Variants in PARM1 observed in about 807,000 individuals in gnomAD.
PARM1 encodes WSC4, cell wall integrity and stress response component 4 homolog.
Under a neutral mutation model 24.6 loss-of-function variants are expected in PARM1, and 14 were observed. The ratio of observed to expected loss-of-function variants is 0.57; its 90% confidence interval spans 0.38 to 0.89. The LOEUF is 0.89. Ranked by LOEUF, PARM1 falls within the 40% of genes least tolerant of loss-of-function variation. PARM1 has a pLI of 0.00. For synonymous variants in PARM1, 179 were observed against 156.6 expected (o/e 1.14, Z -1.07); for missense variants, 362 against 380.4 (o/e 0.95, Z 0.40).
chr4:74,954,110 T>C (rs1243254564), intron 1 of PARM1, among the ~76,000 whole-genome samples: 1 of 152,208 alleles, frequency 6.6e-6, no homozygotes. Context: ...AAATTATTAT[T>C]AAGTTACTGA....
At chr4:75,016,753 G>A (rs554210050) in intron 2 of PARM1, among the ~76,000 whole-genome samples, 27 of 152,004 alleles carry the variant, frequency 1.8e-4, no homozygotes, top group Middle Eastern at 3.4e-3. Flanking sequence ...TATCCAGGTC[G>A]AGCACCTCAG....
chr4:74,972,309 C>G (rs952432856), intron 1 of PARM1, among the ~76,000 whole-genome samples: 1 of 152,158 alleles, frequency 6.6e-6, no homozygotes, highest in Non-Finnish European at 1.5e-5. Flanking sequence ...TTTTGCAATG[C>G]AAAAAGAAAA....
chr4:75,012,916 T>C lies in PARM1; in HGVS notation c.535T>C (p.Ser179Pro), dbSNP rs772967679. 10 of 1,613,732 alleles carry C rather than the reference T, an allele frequency of 6.2e-6. No homozygotes were observed. Among genetic ancestry groups the C allele is most frequent in the African/African-American group, 1.3e-5 (1 of 74,926 alleles). Residue 179 changes from serine to proline, a missense_variant, in exon 2 of 4, where the codon TCC (serine) becomes CCC (proline). Ser to Pro is a moderately conservative substitution (Grantham distance 74). Transcript: ENST00000307428. ...FSASVTTNHSSTVTSTQPTGA... is the reference protein window; with the variant it reads ...FSASVTTNHSPTVTSTQPTGA... ...TGCCTCCGTTACTACCAACCATAGC[T>C]CCACTGTGACCAGCACCCAACCCAC...
chr4:74,933,963 G>A (rs1390546475), intron 1 of PARM1, among the ~76,000 whole-genome samples: 1 of 152,092 alleles, frequency 6.6e-6, no homozygotes, highest in African/African-American at 2.4e-5. Context: ...CGTCACTGGG[G>A]GTAGCAAGGC....
chr4:74,965,495 G>A (rs1345507080), intron 1 of PARM1: 2 of 152,180 alleles, frequency 1.3e-5, no homozygotes, highest in African/African-American at 2.4e-5. Context: ...TGTTATATGT[G>A]ATGTAACTTT....
Position 75,012,734 on chromosome 4 carries a change from T to A in PARM1, c.353T>A (p.Leu118Ter). 3 of 1,613,932 alleles carry A rather than the reference T, an allele frequency of 1.9e-6. No individual in the cohort carries two copies. Among genetic ancestry groups the A allele is most frequent in the Non-Finnish European group, 1.7e-6 (2 of 1,179,878 alleles). ...GFSSTSGGVH[L>*]TTTLEEHSSG... ...TCGTCAACAAGCGGTGGAGTCCACTTAACAACCACGTTGGAGGAACACAGC... is the reference window on the plus strand; with the variant it reads ...TCGTCAACAAGCGGTGGAGTCCACTAAACAACCACGTTGGAGGAACACAGC... The change falls in exon 2 of 4, where the codon TTA becomes TAA. Residue 118 changes from leucine to a stop codon, truncating the protein, a stop_gained. Coordinates refer to ENST00000307428, the MANE Select transcript of PARM1 (RefSeq NM_015393.4). LOFTEE classifies it high-confidence loss of function.
chr4:75,012,495 G>A lies in PARM1; in HGVS notation c.114G>A (p.Pro38=), dbSNP rs781323245. The A allele has an allele frequency of 2.0e-5, 32 of 1,613,626 alleles. No homozygotes were observed. Among genetic ancestry groups the A allele is most frequent in the Middle Eastern group, 1.6e-4 (1 of 6,084 alleles). ...SVSLPTNIVP[P]TTIWTSSPQN... ...CTCTTCCGACAAACATTGTACCACC[G>A]ACCACCATCTGGACTAGCTCTCCAC... Residue 38 remains proline (P), a synonymous_variant, in exon 2 of 4, where the codon CCG becomes CCA. Coordinates refer to ENST00000307428, the MANE Select transcript of PARM1 (RefSeq NM_015393.4).
At chr4:74,948,741 G>C (rs990552102) in intron 1 of PARM1, among the ~76,000 whole-genome samples, 1 of 152,194 alleles carries the variant, frequency 6.6e-6, no homozygotes, top group Non-Finnish European at 1.5e-5. Flanking sequence ...AGGCATTATA[G>C]GCCAGGTGCC....
At chr4:75,044,777 C>T (rs948332932) in intron 3 of PARM1, among the ~76,000 whole-genome samples, 23 of 152,144 alleles carry the variant, frequency 1.5e-4, no homozygotes, top group Admixed American at 5.9e-4. Flanking sequence ...TTAACAGTTC[C>T]ATGTGGCTGG....
chr4:75,022,136 A>G (rs1560795058), intron 2 of PARM1, among the ~76,000 whole-genome samples: 1 of 152,156 alleles, frequency 6.6e-6, no homozygotes, highest in Admixed American at 6.6e-5. Flanking sequence ...CAACTTTTTA[A>G]TAATAGCCAT....
chr4:74,936,364 C>T (rs958810827), intron 1 of PARM1, among the ~76,000 whole-genome samples: 2 of 152,116 alleles, frequency 1.3e-5, no homozygotes, highest in Admixed American at 1.3e-4. Flanking sequence ...TGGTAGCTTC[C>T]ACATTTATCC....
At position 74,937,241 on chromosome 4, in the gene PARM1, G is replaced by A. The variant is rs193196437; in HGVS notation, c.43+3871G>A. Among the ~76,000 whole-genome samples, 14 of 152,292 alleles carry A rather than the reference G, an allele frequency of 9.2e-5. No homozygotes were observed. The East Asian group carries it at 2.3e-3, about 25-fold the overall frequency. On this transcript the variant is annotated intron_variant, in intron 1 of 3. Transcript: ENST00000307428. The stretch of plus-strand genomic sequence containing the variant: ...ACACAAAATTGTGCACACACGTAAA[G>A]GAACAGGAAGGCTGATCATGATTTG...
At chr4:74,937,453 G>A (rs776624317) in intron 1 of PARM1, among the ~76,000 whole-genome samples, 8 of 152,132 alleles carry the variant, frequency 5.3e-5, no homozygotes, top group Non-Finnish European at 8.8e-5. Context: ...TGTTAAGTGC[G>A]TAGATTCTGC....
At chr4:74,933,396 G>A (rs760047004) in intron 1 of PARM1, 26 bp downstream of exon 1, 1 of 1,609,814 alleles carries the variant, frequency 6.2e-7, no homozygotes, top group Non-Finnish European at 8.5e-7. Flanking sequence ...CTCCCGGAAG[G>A]GCAGGTCGCG....
chr4:75,039,485 A>T (rs891555619), intron 3 of PARM1, among the ~76,000 whole-genome samples: 1 of 152,074 alleles, frequency 6.6e-6, no homozygotes, highest in African/African-American at 2.4e-5. Context: ...AGTGAGCCAA[A>T]ATCGCACCAC....
In PARM1 at chr4:75,046,228, C is replaced by T. The variant is rs531621229; in HGVS notation, c.914C>T (p.Pro305Leu). 3 of 1,610,244 alleles carry T rather than the reference C, an allele frequency of 1.9e-6. No homozygotes were observed. The highest frequency in any genetic ancestry group is 2.7e-5 in the African/African-American group (2 of 75,002). The stretch of plus-strand genomic sequence containing the variant: ...GGGTCCTGGGGAAACTACAACAACC[C>T]TCTGTACGATGACTCCTAACAATGG... ...DYGSWGNYNN[P>L]LYDDS is the part of the protein sequence containing the mutation. Residue 305 changes from proline (P) to leucine (L), a missense_variant, in exon 4 of 4, where the codon CCT becomes CTT. By Grantham distance (98) the Pro-to-Leu change is moderately conservative (BLOSUM62 -3). Coordinates refer to ENST00000307428, the MANE Select transcript of PARM1 (RefSeq NM_015393.4).
At chr4:74,951,774 G>A (rs1024045883) in intron 1 of PARM1, among the ~76,000 whole-genome samples, 1 of 152,126 alleles carries the variant, frequency 6.6e-6, no homozygotes, top group African/African-American at 2.4e-5. Context: ...AACTCATCCT[G>A]TTTTAAGGCT....
rs764605702 is a variant in PARM1 at position 75,046,255 on chromosome 4, A to T, written c.*8A>T. 2 of 1,566,222 alleles carry T rather than the reference A, an allele frequency of 1.3e-6. No homozygotes were observed. The highest frequency in any genetic ancestry group is 1.8e-6 in the Non-Finnish European group (2 of 1,136,350). Reference sequence around the variant, plus strand: ...CTGTACGATGACTCCTAACAATGGAATATGGCCTGGGATGAGGATTAACTG... The same window carrying T: ...CTGTACGATGACTCCTAACAATGGATTATGGCCTGGGATGAGGATTAACTG... On this transcript the variant is annotated 3_prime_UTR_variant, in exon 4 of 4. Coordinates refer to ENST00000307428, the MANE Select transcript of PARM1 (RefSeq NM_015393.4).
chr4:75,000,918 C>T (rs890840269), intron 1 of PARM1, among the ~76,000 whole-genome samples: 7 of 152,092 alleles, frequency 4.6e-5, no homozygotes, highest in Non-Finnish European at 7.4e-5. Context: ...TAGTTTTAAC[C>T]ATTGCGGGTA....
Sources: gnomAD v4.1 joint callset for allele counts (sites outside exome capture counted in the v4.1 genomes callset) on GRCh38, gnomAD v4.1.1 for gene constraint, MANE v1.5 for transcripts, NCBI Gene and HGNC (gene_info 2026-07-23, HGNC 2026-07-21) for gene names.